Variants in DOCK7 observed in about 807,000 individuals in gnomAD.
DOCK7 encodes dedicator of cytokinesis 7.
Under a neutral mutation model 271.0 loss-of-function variants are expected in DOCK7, and 138 were observed. That is an observed-to-expected ratio of 0.51 (90% CI 0.44 to 0.59). The LOEUF is 0.59. DOCK7 is among the 20% of genes least tolerant of loss of function. The pLI is 0.00. For missense variants in DOCK7, 2,066 were observed against 2,592.4 expected (o/e 0.80, Z 4.41); for synonymous variants, 823 against 876.1 (o/e 0.94, Z 1.07).
chr1:62,478,976 C>T (rs574759562), intron 43 of DOCK7: 1 of 152,140 alleles, frequency 6.6e-6, no homozygotes, highest in South Asian at 2.1e-4. Context: ...GCAATTTTTA[C>T]AATTTTTTTT....
At chr1:62,649,659 T>C (rs188980637) in intron 4 of DOCK7, among the ~76,000 whole-genome samples, 2 of 152,346 alleles carry the variant, frequency 1.3e-5, no homozygotes, top group East Asian at 3.9e-4. Flanking sequence ...TATGTCATCC[T>C]GTCCTCTAGT....
intron 14 of DOCK7, among the ~76,000 whole-genome samples, chr1:62,602,655 T>C (rs942504319): frequency 6.6e-6 from 1 of 151,810 alleles, no homozygotes; most frequent in Non-Finnish European, 1.5e-5. Flanking sequence ...ACTATAATTA[T>C]TAAAGACAAT....
intron 9 of DOCK7, among the ~76,000 whole-genome samples, chr1:62,634,189 A>T (rs1162039202): frequency 6.6e-6 from 1 of 152,098 alleles, no homozygotes; most frequent in Admixed American, 6.5e-5. Context: ...AATAAACTTA[A>T]CCAAGAAAGT....
intron 14 of DOCK7, among the ~76,000 whole-genome samples, chr1:62,616,290 T>C (rs1371216001): frequency 6.6e-6 from 1 of 151,756 alleles, no homozygotes; most frequent in Non-Finnish European, 1.5e-5. Flanking sequence ...GTCTGGATTA[T>C]CTATATTGGC....
chr1:62,484,720 A>C (rs1251574015), intron 43 of DOCK7: 1 of 152,180 alleles, frequency 6.6e-6, no homozygotes, highest in Non-Finnish European at 1.5e-5. Flanking sequence ...CATAATTACA[A>C]AAATATATAT....
chr1:62,514,150 G>A (rs1392799510), intron 31 of DOCK7, among the ~76,000 whole-genome samples: 1 of 151,850 alleles, frequency 6.6e-6, no homozygotes, highest in African/African-American at 2.4e-5. Context: ...GCCAGCAGGG[G>A]ATAAATAAAT....
chr1:62,588,739 A>T (rs1376782109), intron 14 of DOCK7, among the ~76,000 whole-genome samples: 3 of 151,836 alleles, frequency 2.0e-5, no homozygotes, highest in Non-Finnish European at 4.4e-5. Context: ...TTAATTTTTA[A>T]AATTTATTTA....
At chr1:62,663,165 GA>G (rs377005796) in intron 1 of DOCK7, 35 bp from the exon 2 acceptor site, 17,219 of 1,022,278 alleles carry the variant, frequency 0.017, 5 homozygotes, top group Middle Eastern at 0.038. Flanking sequence ...ACGCATTATT[GA>G]AAAAAAAAAA....
At chr1:62,607,215 A>G (rs562874409) in intron 14 of DOCK7, among the ~76,000 whole-genome samples, 1 of 151,876 alleles carries the variant, frequency 6.6e-6, no homozygotes, top group South Asian at 2.1e-4. Flanking sequence ...ATAAATAACA[A>G]ATTCCCCAGC....
chr1:62,558,925 T>TTA, intron 20 of DOCK7, 64 bp downstream of exon 20: 1 of 1,332,482 alleles, frequency 7.5e-7, no homozygotes, highest in South Asian at 1.3e-5. Flanking sequence ...TTTTTTTTTT[T>TTA]AACAAAATTT....
intron 31 of DOCK7, among the ~76,000 whole-genome samples, chr1:62,522,897 T>C (rs1012378198): frequency 1.3e-5 from 2 of 152,118 alleles, no homozygotes; most frequent in Non-Finnish European, 2.9e-5. Context: ...TCTATTTCCA[T>C]ATAAAGCAAT....
chr1:62,650,719 G>A lies in DOCK7; in HGVS notation c.390-2175C>T, dbSNP rs1023008166. 1.1e-4 allele frequency among the ~76,000 whole-genome samples: 17 copies of A among 152,316 alleles called. No individual in the cohort carries two copies. The East Asian group carries it at 2.3e-3, about 21-fold the overall frequency. On this transcript the variant is annotated intron_variant, in intron 4 of 49. Transcript: ENST00000635253. ...ATGCTCATCATCACTGGCCATCAGA[G>A]AAATGCAAATCAAAACCATAATGAG... is the stretch of plus-strand genomic sequence containing the variant.
chr1:62,526,389 G>C (rs1469238230), intron 31 of DOCK7, among the ~76,000 whole-genome samples: 1 of 152,086 alleles, frequency 6.6e-6, no homozygotes, highest in Non-Finnish European at 1.5e-5. Flanking sequence ...AATCACTAAA[G>C]GTGTCCTAAT....
intron 27 of DOCK7, 54 bp downstream of exon 27, chr1:62,539,491 A>T: frequency 1.4e-6 from 2 of 1,427,624 alleles, no homozygotes; most frequent in Admixed American, 2.0e-5. Context: ...TTTGAAAAGA[A>T]CTAACATAGT....
intron 43 of DOCK7, chr1:62,483,174 A>ATTTTTTTTTTTTTT (rs57648164): frequency 2.6e-4 from 18 of 70,180 alleles, no homozygotes; most frequent in South Asian, 4.3e-4. Flanking sequence ...TGCCCAGCTA[A>ATTTTTTTTTTTTTT]TTTTTTTTTT....
Position 62,688,278 on chromosome 1 carries a change from ACGGCGACGGCGGCGGCGGCTGCGGCGGGC to A in DOCK7, c.-43_-15del. 1 of 1,275,228 alleles carries A rather than the reference ACGGCGACGGCGGCGGCGGCTGCGGCGGGC, an allele frequency of 7.8e-7. No individual in the cohort carries two copies. The highest frequency in any genetic ancestry group is 1.0e-6 in the Non-Finnish European group (1 of 1,003,698). 79.0% of individuals were successfully genotyped at this position (1,275,228 alleles called of 1,614,324 possible). Reference sequence around the variant, plus strand: ...GCGCTCGGCCATGGCTGCTGCGGCGACGGCGACGGCGGCGGCGGCTGCGGCGGGCCGGGTGCGGACCGGCGGGCGCGTGC... The same window carrying A: ...GCGCTCGGCCATGGCTGCTGCGGCGACGGGTGCGGACCGGCGGGCGCGTGC... On this transcript the variant is annotated 5_prime_UTR_variant, in exon 1 of 50. Coordinates refer to ENST00000635253, the MANE Select transcript of DOCK7 (RefSeq NM_001367561.1).
chr1:62,625,225 A>T, intron 12 of DOCK7, 34 bp downstream of exon 12: 1 of 1,606,704 alleles, frequency 6.2e-7, no homozygotes, highest in Admixed American at 1.7e-5. Context: ...ATGCACAAAC[A>T]TCTCCCCAAA....
At chr1:62,466,901 GCGAGATTCTGTCT>G in intron 48 of DOCK7, among the ~76,000 whole-genome samples, 1 of 151,992 alleles carries the variant, frequency 6.6e-6, no homozygotes, top group Non-Finnish European at 1.5e-5. Flanking sequence ...CTGGGTGACA[GCGAGATTCTGTCT>G]CAAAAAAACA....
intron 15 of DOCK7, chr1:62,584,492 CAT>C (rs1647271921): frequency 1.9e-6 from 2 of 1,057,936 alleles, no homozygotes; most frequent in Middle Eastern, 4.4e-4. Flanking sequence ...ATTGTATTTT[CAT>C]ATGACTAATA....
Sources: gnomAD v4.1 joint callset for allele counts (sites outside exome capture counted in the v4.1 genomes callset) on GRCh38, gnomAD v4.1.1 for gene constraint, MANE v1.5 for transcripts, NCBI Gene and HGNC (gene_info 2026-07-23, HGNC 2026-07-21) for gene names.